ROR1: variants seen among roughly 807,000 people sequenced by gnomAD.
ROR1 encodes the protein ROR family WNT receptor 1, also known as inactive tyrosine-protein kinase transmembrane receptor ROR1.
A neutral mutation model predicts 78.8 loss-of-function variants in ROR1; 19 were observed. That is an observed-to-expected ratio of 0.24 (90% confidence interval 0.17 to 0.35). The LOEUF (loss-of-function observed/expected upper bound fraction) is 0.35. ROR1 is among the 10% of genes least tolerant of loss of function. The pLI, the probability that ROR1 is intolerant of heterozygous loss-of-function variation, is 1.00. For missense variants in ROR1, 917 were observed against 1,177.8 expected, an observed-to-expected ratio of 0.78 and a Z score of 3.24; for synonymous variants, 386 against 433.6, an observed-to-expected ratio of 0.89 and a Z score of 1.36.
chr1:64,052,215 C>T (rs1646839035), intron 4 of ROR1, among the ~76,000 whole-genome samples: 2 of 150,180 alleles, frequency 1.3e-5, no homozygotes. Context: ...ATGGTCTCAC[C>T]ATTGGTTATA....
rs550932504 is a variant in ROR1, at chr1:63,836,170, A to G, written c.91+61662A>G. ...TAAAGAACTTGCTCAAAGTTACACA[A>G]CTTGACATACAAAGTCAGGATTTGA... is the stretch of plus-strand genomic sequence containing the variant. On this transcript the variant is annotated intron_variant, in intron 1 of 8. Transcript: ENST00000371079. 3.3e-5 allele frequency among the ~76,000 whole-genome samples: 5 copies of G among 152,258 alleles called. No homozygotes were observed. The South Asian group carries it at 1.0e-3, about 32-fold the overall frequency.
At position 63,800,963 on chromosome 1, in the gene ROR1, G is replaced by GT. The variant is rs36105141; in HGVS notation, c.91+26467dup. Among the ~76,000 whole-genome samples the GT allele has an allele frequency of 1.4e-3, 209 of 145,566 alleles. 1 individual carries two copies. Among genetic ancestry groups the GT allele is most frequent in the South Asian group, 0.01 (48 of 4,614 alleles). On this transcript the variant is annotated intron_variant, in intron 1 of 8. Coordinates refer to ENST00000371079, the MANE Select transcript of ROR1 (RefSeq NM_005012.4). ...AAGTATATGTTGGGTATTTTGCTAGGTTTTTTTTTTTTGGTGAGGATTAAA... is the reference window on the plus strand; with the variant it reads ...AAGTATATGTTGGGTATTTTGCTAGGTTTTTTTTTTTTTGGTGAGGATTAAA...
rs1650520136 is a variant in ROR1 at position 64,180,481 on chromosome 1, T to C, written c.*1626T>C. 1 of 152,226 alleles carries C rather than the reference T, an allele frequency of 6.6e-6. No individual in the cohort carries two copies. The highest frequency in any genetic ancestry group is 1.5e-5 in the Non-Finnish European group (1 of 68,034). The allele number at this position is 152,226 out of a possible 1,614,324, so 9.4% of individuals were successfully genotyped here. A position where few individuals can be genotyped will look rare whatever the true frequency, so the allele number is the denominator to read the frequency against. On this transcript the variant is annotated 3_prime_UTR_variant, in exon 9 of 9. Transcript: ENST00000371079. ...AATCAAGAAAATATGTTTACCAAAA[T>C]GCATTGCAATTTTCCCAAACCTGAG...
At chr1:64,155,994 CTGCTCTACCAATCGTATTTAT>C (rs1649759645) in intron 7 of ROR1, among the ~76,000 whole-genome samples, 2 of 152,250 alleles carry the variant, frequency 1.3e-5, no homozygotes, top group Admixed American at 1.3e-4. Flanking sequence ...ACTATTATTC[CTGCTCTACCAATCGTATTTAT>C]TCCATTGAAT....
chr1:63,818,221 G>A (rs1411191713), intron 1 of ROR1, among the ~76,000 whole-genome samples: 1 of 152,158 alleles, frequency 6.6e-6, no homozygotes, highest in Non-Finnish European at 1.5e-5. Context: ...AAGGATCTGA[G>A]TTTTCAAAAA....
intron 1 of ROR1, among the ~76,000 whole-genome samples, chr1:63,956,317 C>T (rs1052981018): frequency 3.9e-5 from 6 of 152,082 alleles, no homozygotes; most frequent in African/African-American, 1.2e-4. Flanking sequence ...TCTAAAGAGG[C>T]CAGGGAGTCA....
chr1:63,816,828 C>T (rs765957970), intron 1 of ROR1, among the ~76,000 whole-genome samples: 22 of 152,100 alleles, frequency 1.4e-4, no homozygotes, highest in South Asian at 6.2e-4. Flanking sequence ...GTAAGGATTG[C>T]GTGTGCTCAT....
chr1:64,098,266 CCA>C (rs1181283751), intron 4 of ROR1, among the ~76,000 whole-genome samples: 1 of 152,120 alleles, frequency 6.6e-6, no homozygotes, highest in African/African-American at 2.4e-5. Flanking sequence ...GAGTCCCCAC[CCA>C]GAGGTAGGCT....
At chr1:63,980,052 T>A (rs576987108) in intron 1 of ROR1, among the ~76,000 whole-genome samples, 25 of 152,152 alleles carry the variant, frequency 1.6e-4, no homozygotes, top group African/African-American at 5.3e-4. Context: ...GGACCAATGA[T>A]GATAATGTGC....
chr1:63,930,779 C>T (rs1197936479), intron 1 of ROR1, among the ~76,000 whole-genome samples: 1 of 152,234 alleles, frequency 6.6e-6, no homozygotes, highest in African/African-American at 2.4e-5. Flanking sequence ...GAAGTGGTTA[C>T]AGTTTCCTCC....
Position 63,978,228 on chromosome 1 carries a change from A to C in ROR1, c.92-31077A>C, listed in dbSNP as rs577622310. Among the ~76,000 whole-genome samples the C allele has an allele frequency of 1.1e-4, 17 of 152,350 alleles. No homozygotes were observed. In the South Asian group the frequency reaches 3.3e-3, roughly 30 times the overall value. Reference sequence around the variant, plus strand: ...GGAAAGTAAACGGGAAATTCATGTTATCTATGGAAAAGTTATCAGTTTGAT... The same window carrying C: ...GGAAAGTAAACGGGAAATTCATGTTCTCTATGGAAAAGTTATCAGTTTGAT... On this transcript the variant is annotated intron_variant, in intron 1 of 8. Transcript: ENST00000371079.
intron 4 of ROR1, 109 bp downstream of exon 4, chr1:64,050,825 T>C: frequency 4.6e-6 from 5 of 1,085,630 alleles, no homozygotes; most frequent in Non-Finnish European, 7.1e-6. Flanking sequence ...CTTCCAGATG[T>C]CATTCCATTT....
intron 4 of ROR1, among the ~76,000 whole-genome samples, chr1:64,079,503 C>T (rs538779559): frequency 8.0e-5 from 12 of 149,448 alleles, no homozygotes; most frequent in African/African-American, 2.2e-4. Flanking sequence ...GACAGAGTCT[C>T]GCTTTGTTGC....
At chr1:63,906,203 A>G (rs917679129) in intron 1 of ROR1, among the ~76,000 whole-genome samples, 1 of 152,138 alleles carries the variant, frequency 6.6e-6, no homozygotes, top group African/African-American at 2.4e-5. Context: ...TTCAGAGTCA[A>G]CTGCCTGTTC....
At chr1:63,925,835 T>C (rs1476663845) in intron 1 of ROR1, among the ~76,000 whole-genome samples, 1 of 151,782 alleles carries the variant, frequency 6.6e-6, no homozygotes, top group Non-Finnish European at 1.5e-5. Context: ...TCTGTTCATG[T>C]CCATCGCCCA....
At chr1:64,075,267 T>G (rs1380292852) in intron 4 of ROR1, among the ~76,000 whole-genome samples, 1 of 152,088 alleles carries the variant, frequency 6.6e-6, no homozygotes, top group Non-Finnish European at 1.5e-5. Flanking sequence ...GTAAAAAAAA[T>G]GTACATATAA....
At chr1:63,922,722 T>A (rs1177758131) in intron 1 of ROR1, among the ~76,000 whole-genome samples, 2 of 152,096 alleles carry the variant, frequency 1.3e-5, no homozygotes, top group Non-Finnish European at 2.9e-5. Flanking sequence ...GTAATCCTCA[T>A]GTAGTGCTGT....
intron 1 of ROR1, among the ~76,000 whole-genome samples, chr1:63,949,110 C>A (rs1645913361): frequency 1.3e-5 from 2 of 152,120 alleles, no homozygotes. Flanking sequence ...TTTCCTCAAG[C>A]CCCGCTCAGG....
In ROR1 at chr1:63,927,929, C is replaced by CGCA. The variant is rs1645719050; in HGVS notation, c.92-81376_92-81375insGCA. ...TCCATAGTCCTTTGCGATCCACTGACAAGTGAGAAACCAAAATGTAAGGGG... is the reference window on the plus strand; with the variant it reads ...TCCATAGTCCTTTGCGATCCACTGACGCAAAGTGAGAAACCAAAATGTAAGGGG... On this transcript the variant is annotated intron_variant, in intron 1 of 8. Coordinates refer to ENST00000371079, the MANE Select transcript of ROR1 (RefSeq NM_005012.4). 2.0e-5 allele frequency among the ~76,000 whole-genome samples: 3 copies of CGCA among 150,898 alleles called. No homozygotes were observed. The East Asian group carries it at 5.9e-4, about 30-fold the overall frequency.
Sources: gnomAD v4.1 joint callset for allele counts (sites outside exome capture counted in the v4.1 genomes callset) on GRCh38, gnomAD v4.1.1 for gene constraint, MANE v1.5 for transcripts, NCBI Gene and HGNC (gene_info 2026-07-23, HGNC 2026-07-21) for gene names.